MAST4: variants seen among roughly 807,000 people sequenced by gnomAD.
The protein encoded by MAST4 is microtubule associated serine/threonine kinase family member 4, also known as microtubule-associated serine/threonine-protein kinase 4.
In MAST4, 89 loss-of-function variants were observed where a neutral mutation model predicts 162.7. That is an observed-to-expected ratio of 0.55 (90% CI 0.46 to 0.65). The LOEUF (loss-of-function observed/expected upper bound fraction) is 0.65. MAST4 is among the 30% of genes least tolerant of loss of function. The probability of loss-of-function intolerance (pLI) is 0.00; values close to 1 mark genes in which losing one functional copy is unlikely to be tolerated. For missense variants in MAST4, 3,153 were observed against 3,374.0 expected, an observed-to-expected ratio of 0.93 and a Z score of 1.62; for synonymous variants, 1,479 against 1,361.1, an observed-to-expected ratio of 1.09 and a Z score of -1.91.
intron 3 of MAST4, among the ~76,000 whole-genome samples, chr5:66,855,319 A>T (rs1053727066): frequency 4.6e-5 from 7 of 152,152 alleles, no homozygotes; most frequent in African/African-American, 1.4e-4. Context: ...TTCCGCTATG[A>T]TTAAAAGCTC....
intron 1 of MAST4, among the ~76,000 whole-genome samples, chr5:66,739,851 T>C (rs1208474508): frequency 1.3e-5 from 2 of 152,084 alleles, no homozygotes; most frequent in African/African-American, 4.8e-5. Flanking sequence ...CTCTTGTTTT[T>C]TTTTTTTTTT....
intron 4 of MAST4, among the ~76,000 whole-genome samples, chr5:66,960,092 A>T (rs919775051): frequency 1.3e-5 from 2 of 152,218 alleles, no homozygotes. Context: ...ACAAACATAA[A>T]TATCCCTCTT....
intron 4 of MAST4, among the ~76,000 whole-genome samples, chr5:66,944,535 A>G (rs1453292457): frequency 6.6e-6 from 1 of 152,140 alleles, no homozygotes; most frequent in Non-Finnish European, 1.5e-5. Flanking sequence ...GAGTGGCATA[A>G]TAAATCTCAA....
chr5:67,104,345 ATG>A lies in MAST4; in HGVS notation c.1147-15_1147-14del. 6.5e-7 allele frequency: 1 copy of A among 1,547,476 alleles called. No individual in the cohort carries two copies. The highest frequency in any genetic ancestry group is 8.9e-7 in the Non-Finnish European group (1 of 1,119,422). On this transcript the variant is annotated intron_variant, in intron 9 of 28. Coordinates refer to ENST00000403625, the MANE Select transcript of MAST4 (RefSeq NM_001164664.2). ...GTGTTTCCTCGTATTACATCTGTGTATGTGTGTCTTCTCTATATAGGCTACAG... is the reference window on the plus strand; with the variant it reads ...GTGTTTCCTCGTATTACATCTGTGTATGTGTCTTCTCTATATAGGCTACAG...
intron 5 of MAST4, among the ~76,000 whole-genome samples, chr5:67,067,239 C>T (rs1760355563): frequency 6.6e-6 from 1 of 152,206 alleles, no homozygotes; most frequent in Admixed American, 6.5e-5. Flanking sequence ...ATAATAAACA[C>T]TGGACCGCAG....
At chr5:66,873,985 CT>C (rs1231787687) in intron 3 of MAST4, among the ~76,000 whole-genome samples, 4 of 151,922 alleles carry the variant, frequency 2.6e-5, no homozygotes, top group Non-Finnish European at 5.9e-5. Context: ...AAGGAGTTGG[CT>C]TTTTTTTAGC....
At chr5:66,738,475 C>A (rs973081495) in intron 1 of MAST4, among the ~76,000 whole-genome samples, 1 of 152,202 alleles carries the variant, frequency 6.6e-6, no homozygotes, top group African/African-American at 2.4e-5. Flanking sequence ...ATGTGCCAGG[C>A]CCCTCTTCTA....
At chr5:67,069,881 A>AGT (rs200867949) in intron 5 of MAST4, among the ~76,000 whole-genome samples, 37,073 of 142,456 alleles carry the variant, frequency 0.26, 4,888 homozygotes, top group African/African-American at 0.36. Flanking sequence ...TTTGAGAGAA[A>AGT]GTGTGTGTGT....
At chr5:66,636,384 G>C (rs573202188) in intron 1 of MAST4, among the ~76,000 whole-genome samples, 1 of 152,278 alleles carries the variant, frequency 6.6e-6, no homozygotes, top group South Asian at 2.1e-4. Flanking sequence ...CTGTAGACAT[G>C]ATGAATTTCA....
intron 1 of MAST4, among the ~76,000 whole-genome samples, chr5:66,750,284 G>A (rs1364442514): frequency 3.3e-5 from 5 of 152,192 alleles, no homozygotes; most frequent in Non-Finnish European, 7.4e-5. Context: ...TGCATGTGCT[G>A]AGGGAGGAGC....
intron 2 of MAST4, among the ~76,000 whole-genome samples, chr5:66,776,443 CATTAT>C (rs1347260109): frequency 1.3e-5 from 2 of 152,128 alleles, no homozygotes; most frequent in Non-Finnish European, 2.9e-5. Flanking sequence ...TGAAAATAGA[CATTAT>C]ATTGTGAAGA....
At chr5:66,631,100 C>T (rs1337906550) in intron 1 of MAST4, among the ~76,000 whole-genome samples, 1 of 152,054 alleles carries the variant, frequency 6.6e-6, no homozygotes, top group Non-Finnish European at 1.5e-5. Context: ...TTCTGATCTG[C>T]CATGGATCTG....
At chr5:67,131,457 G>A (rs1349975109) in intron 15 of MAST4, among the ~76,000 whole-genome samples, 2 of 152,088 alleles carry the variant, frequency 1.3e-5, no homozygotes, top group African/African-American at 2.4e-5. Context: ...GCTGGTAAGA[G>A]GCAGAGCTAG....
At chr5:66,925,182 T>C (rs1395965800) in intron 4 of MAST4, among the ~76,000 whole-genome samples, 4 of 152,336 alleles carry the variant, frequency 2.6e-5, no homozygotes, top group African/African-American at 7.2e-5. Flanking sequence ...AGACCAGTTA[T>C]GTATTAGTTG....
intron 1 of MAST4, among the ~76,000 whole-genome samples, chr5:66,635,509 T>C (rs947004340): frequency 6.6e-6 from 1 of 152,214 alleles, no homozygotes; most frequent in Non-Finnish European, 1.5e-5. Context: ...ACAAGAAAGT[T>C]TGGGGCAGAA....
chr5:66,949,344 TA>T (rs1744400023), intron 4 of MAST4, among the ~76,000 whole-genome samples: 2 of 152,184 alleles, frequency 1.3e-5, no homozygotes, highest in Non-Finnish European at 2.9e-5. Context: ...CAGGTGGAGA[TA>T]ATTGCATCAT....
intron 2 of MAST4, among the ~76,000 whole-genome samples, chr5:66,762,544 C>A (rs1341143528): frequency 6.6e-6 from 1 of 152,176 alleles, no homozygotes; most frequent in Non-Finnish European, 1.5e-5. Context: ...GTGTTCATGT[C>A]AGGCTAGTGT....
At chr5:66,691,538 A>T (rs187326434) in intron 1 of MAST4, among the ~76,000 whole-genome samples, 2 of 152,282 alleles carry the variant, frequency 1.3e-5, no homozygotes, top group East Asian at 3.9e-4. Flanking sequence ...GTGACTTATA[A>T]ACAACAGAAA....
At chr5:66,766,868 C>T (rs562204457) in intron 2 of MAST4, among the ~76,000 whole-genome samples, 1 of 152,100 alleles carries the variant, frequency 6.6e-6, no homozygotes, top group Non-Finnish European at 1.5e-5. Flanking sequence ...ACAAGCAAAC[C>T]AGAAAATATC....
Sources: allele counts gnomAD v4.1 joint callset (sites outside exome capture counted in the v4.1 genomes callset), GRCh38; gene constraint gnomAD v4.1.1; transcripts MANE v1.5; gene names NCBI Gene and HGNC (gene_info 2026-07-23, HGNC 2026-07-21).